Variants in RBFOX1 observed in about 807,000 individuals in gnomAD.
The protein encoded by RBFOX1 is RNA binding protein fox-1 homolog 1.
Under a neutral mutation model 57.7 loss-of-function variants are expected in RBFOX1, and 8 were observed. That is an observed-to-expected ratio of 0.14 (90% CI 0.08 to 0.25). RBFOX1 has a LOEUF of 0.25. Among genes scored for constraint, RBFOX1 ranks in the 10% least tolerant of loss-of-function variants. RBFOX1 has a pLI of 1.00. For synonymous variants in RBFOX1, 326 were observed against 222.4 expected (o/e 1.47, Z -4.15); for missense variants, 611 against 548.5 (o/e 1.11, Z -1.14).
At chr16:7,710,292 G>T (rs1048645375) in intron 15 of RBFOX1, 31 of 1,140,094 alleles carry the variant, frequency 2.7e-5, no homozygotes, top group Non-Finnish European at 3.2e-5. Flanking sequence ...TTCAACAACT[G>T]GTCCAAATTC....
At chr16:5,979,019 C>T (rs1567214517) in intron 4 of RBFOX1, among the ~76,000 whole-genome samples, 2 of 152,184 alleles carry the variant, frequency 1.3e-5, no homozygotes, top group Non-Finnish European at 2.9e-5. Flanking sequence ...GCCTAGGCCC[C>T]TCTCGCCTTC....
At chr16:5,530,022 C>T (rs547735569) in intron 2 of RBFOX1, among the ~76,000 whole-genome samples, 161 of 152,244 alleles carry the variant, frequency 1.1e-3, no homozygotes, top group African/African-American at 3.8e-3. Context: ...GAGAAGGAAC[C>T]AACCATGCAG....
chr16:6,484,650 A>G (rs2095436031), intron 2 of RBFOX1, among the ~76,000 whole-genome samples: 2 of 152,094 alleles, frequency 1.3e-5, no homozygotes, highest in South Asian at 4.1e-4. Context: ...CCTTATTTTC[A>G]GATTATGGGG....
intron 14 of RBFOX1, among the ~76,000 whole-genome samples, chr16:7,688,897 C>A (rs1598147880): frequency 6.6e-6 from 1 of 152,056 alleles, no homozygotes; most frequent in East Asian, 1.9e-4. Context: ...TGTTAAGTTA[C>A]TCCACAGAGA....
intron 3 of RBFOX1, among the ~76,000 whole-genome samples, chr16:5,743,394 A>G (rs951748797): frequency 2.6e-5 from 4 of 152,068 alleles, no homozygotes; most frequent in Admixed American, 6.6e-5. Flanking sequence ...ACCAAATGAG[A>G]CCTTTGCAGA....
At chr16:5,447,801 C>T (rs1041792969) in intron 1 of RBFOX1, among the ~76,000 whole-genome samples, 1 of 152,254 alleles carries the variant, frequency 6.6e-6, no homozygotes, top group Non-Finnish European at 1.5e-5. Context: ...GCTTTGCCCA[C>T]TGCTCAGCCT....
In RBFOX1 at chr16:5,422,227, G is replaced by GAGGGAGAGGGAGGAGGAGC. The variant is rs1164261840; in HGVS notation, c.220-44957_220-44939dup. Among the ~76,000 whole-genome samples the GAGGGAGAGGGAGGAGGAGC allele has an allele frequency of 4.9e-3, 724 of 148,236 alleles. 5 individuals carry two copies. The highest frequency in any genetic ancestry group is 0.013 in the East Asian group (62 of 4,834). ...AGAAAGGTGGAGGAGAGAGGAGGGA[G>GAGGGAGAGGGAGGAGGAGC]AGGGAGAGGGAGGAGGAGCAGGGAG... is the stretch of plus-strand genomic sequence containing the variant. On this transcript the variant is annotated intron_variant, in intron 1 of 2. Transcript: ENST00000585867.
intron 3 of RBFOX1, among the ~76,000 whole-genome samples, chr16:6,776,883 T>C (rs1243352248): frequency 1.3e-5 from 2 of 152,266 alleles, no homozygotes; most frequent in Non-Finnish European, 2.9e-5. Context: ...ATGTGGCACA[T>C]TTTAATTACA....
At chr16:5,532,869 C>T (rs544042564) in intron 2 of RBFOX1, among the ~76,000 whole-genome samples, 1 of 152,136 alleles carries the variant, frequency 6.6e-6, no homozygotes, top group Non-Finnish European at 1.5e-5. Context: ...AGACTCTTCT[C>T]CTTCCCTTTC....
At chr16:7,217,871 CGTGTGTGCATGTGTGTGCATGCGTAT>C (rs1175255896) in intron 4 of RBFOX1, among the ~76,000 whole-genome samples, 4 of 151,708 alleles carry the variant, frequency 2.6e-5, no homozygotes, top group East Asian at 2.0e-4. Flanking sequence ...TGTGTACACG[CGTGTGTGCATGTGTGTGCATGCGTAT>C]GTGTGTGCAT....
chr16:7,634,177 A>G (rs78928108), intron 11 of RBFOX1, among the ~76,000 whole-genome samples: 1 of 152,298 alleles, frequency 6.6e-6, no homozygotes, highest in Non-Finnish European at 1.5e-5. Flanking sequence ...CTTTTCAGCA[A>G]TTGTGTAGGA....
At chr16:5,324,696 T>A (rs1454506275) in intron 1 of RBFOX1, among the ~76,000 whole-genome samples, 1 of 152,066 alleles carries the variant, frequency 6.6e-6, no homozygotes, top group Non-Finnish European at 1.5e-5. Flanking sequence ...CTTAGCAAAC[T>A]AACACAAGAA....
intron 3 of RBFOX1, among the ~76,000 whole-genome samples, chr16:5,652,794 G>A (rs1003652757): frequency 1.3e-5 from 2 of 152,236 alleles, no homozygotes; most frequent in African/African-American, 4.8e-5. Flanking sequence ...GTGGATTACA[G>A]ATCTCCTTTT....
chr16:7,138,209 C>A (rs1008634904), intron 4 of RBFOX1, among the ~76,000 whole-genome samples: 1 of 151,784 alleles, frequency 6.6e-6, no homozygotes, highest in Non-Finnish European at 1.5e-5. Context: ...ATGAGGATGG[C>A]GAAAGGAATA....
intron 14 of RBFOX1, among the ~76,000 whole-genome samples, chr16:7,703,327 A>G (rs2081377093): frequency 6.6e-6 from 1 of 152,164 alleles, no homozygotes; most frequent in Non-Finnish European, 1.5e-5. Flanking sequence ...TGGGAGGGGT[A>G]CAAGCCCATG....
intron 4 of RBFOX1, among the ~76,000 whole-genome samples, chr16:7,229,303 T>A (rs928099499): frequency 8.5e-5 from 13 of 152,320 alleles, no homozygotes; most frequent in African/African-American, 3.1e-4. Flanking sequence ...GACCCTGAGA[T>A]GGCCCAAATT....
intron 3 of RBFOX1, among the ~76,000 whole-genome samples, chr16:5,775,481 C>G (rs747032720): frequency 7.2e-5 from 11 of 152,182 alleles, no homozygotes; most frequent in African/African-American, 2.7e-4. Flanking sequence ...CCTATGTGTT[C>G]AAAATGTTTT....
chr16:7,550,444 C>T (rs1377936112), intron 5 of RBFOX1, among the ~76,000 whole-genome samples: 1 of 152,104 alleles, frequency 6.6e-6, no homozygotes, highest in South Asian at 2.1e-4. Flanking sequence ...AGCAGCAGAG[C>T]CGTGTTGTCC....
intron 1 of RBFOX1, among the ~76,000 whole-genome samples, chr16:5,263,174 A>G (rs2062777420): frequency 6.6e-6 from 1 of 152,168 alleles, no homozygotes; most frequent in African/African-American, 2.4e-5. Flanking sequence ...TTCCAGTAGA[A>G]TAATACAGAT....
Sources: allele counts gnomAD v4.1 joint callset (sites outside exome capture counted in the v4.1 genomes callset), GRCh38; gene constraint gnomAD v4.1.1; transcripts MANE v1.5; gene names NCBI Gene and HGNC (gene_info 2026-07-23, HGNC 2026-07-21).